The following CADM2 variants were observed in gnomAD, a reference collection of about 807,000 sequenced individuals.
CADM2 encodes immunoglobulin superfamily member 4D.
In CADM2, 12 loss-of-function variants were observed where a neutral mutation model predicts 49.8. The observed-to-expected ratio is 0.24, with a 90% CI of 0.15 to 0.39. CADM2 has a LOEUF of 0.39. Ranked by LOEUF, CADM2 falls within the 10% of genes least tolerant of loss-of-function variation. The probability of loss-of-function intolerance (pLI) is 1.00; values close to 1 mark genes in which losing one functional copy is unlikely to be tolerated. For missense variants in CADM2, 378 were observed against 492.3 expected, an observed-to-expected ratio of 0.77 and a Z score of 2.20; for synonymous variants, 214 against 175.4, an observed-to-expected ratio of 1.22 and a Z score of -1.74.
intron 8 of CADM2, among the ~76,000 whole-genome samples, chr3:86,035,395 C>A (rs1735028029): frequency 6.6e-6 from 1 of 151,956 alleles, no homozygotes; most frequent in Middle Eastern, 3.2e-3. Flanking sequence ...TGCTTCTGTT[C>A]ATCATCTAAT....
chr3:85,781,545 A>T (rs2107994695), intron 2 of CADM2, among the ~76,000 whole-genome samples: 1 of 152,258 alleles, frequency 6.6e-6, no homozygotes, highest in South Asian at 2.1e-4. Context: ...CTTCTAAGAG[A>T]GAATGTAGAA....
chr3:85,033,259 C>A (rs184093440), intron 1 of CADM2, among the ~76,000 whole-genome samples: 1 of 152,158 alleles, frequency 6.6e-6, no homozygotes, highest in South Asian at 2.1e-4. Context: ...TCCCTAACGA[C>A]GCATTACATT....
At chr3:85,018,802 A>C (rs926463472) in intron 1 of CADM2, among the ~76,000 whole-genome samples, 4 of 152,192 alleles carry the variant, frequency 2.6e-5, no homozygotes, top group Admixed American at 1.3e-4. Context: ...TCATTTAATT[A>C]GGATATGCTA....
chr3:85,619,957 C>T (rs2063921801), intron 1 of CADM2, among the ~76,000 whole-genome samples: 1 of 152,156 alleles, frequency 6.6e-6, no homozygotes, highest in African/African-American at 2.4e-5. Flanking sequence ...CGATAAAAAT[C>T]ATTTTACAAT....
intron 1 of CADM2, among the ~76,000 whole-genome samples, chr3:85,100,612 C>T (rs2107543722): frequency 6.6e-6 from 1 of 152,212 alleles, no homozygotes; most frequent in South Asian, 2.1e-4. Flanking sequence ...GCACCAAAAA[C>T]ATGGCAGAGA....
In CADM2 at chr3:85,253,118, C is replaced by T. The variant is rs78703939; in HGVS notation, c.61+293450C>T. On this transcript the variant is annotated intron_variant, in intron 1 of 9. Transcript: ENST00000383699. The stretch of plus-strand genomic sequence containing the variant: ...GTCAGTCTAAATTTAAAATTTTGCA[C>T]GCTAACATTCAAACTTTTTGAGCCT... 5.7e-3 allele frequency among the ~76,000 whole-genome samples: 874 copies of T among 152,096 alleles called. 6 individuals carry two copies. Among genetic ancestry groups the T allele is most frequent in the Admixed American group, 0.011 (165 of 15,228 alleles).
At chr3:85,563,481 C>G (rs1241343983) in intron 1 of CADM2, among the ~76,000 whole-genome samples, 2 of 151,188 alleles carry the variant, frequency 1.3e-5, no homozygotes, top group Non-Finnish European at 2.9e-5. Context: ...ATCCATTATA[C>G]TTGAATAGCA....
chr3:86,013,735 A>G lies in CADM2; in HGVS notation c.971-51870A>G, dbSNP rs1314959214. On this transcript the variant is annotated intron_variant, in intron 8 of 9. Transcript: ENST00000383699. ...GAGGAATTTATAGGTTTTCTGCCTT[A>G]TGAAGCTGATGCAGAAATTTTGGCT... is the stretch of plus-strand genomic sequence containing the variant. 7 of 1,593,356 alleles carry G rather than the reference A, an allele frequency of 4.4e-6. No individual in the cohort carries two copies. The African/African-American group carries it at 8.1e-5, about 18-fold the overall frequency.
chr3:85,041,388 G>A (rs947222189), intron 1 of CADM2, among the ~76,000 whole-genome samples: 3 of 152,268 alleles, frequency 2.0e-5, no homozygotes, highest in Middle Eastern at 3.4e-3. Context: ...GTGTGTTTGC[G>A]TGGAGAGGGG....
intron 1 of CADM2, among the ~76,000 whole-genome samples, chr3:85,138,266 T>C (rs2039477070): frequency 6.6e-6 from 1 of 152,134 alleles, no homozygotes; most frequent in Non-Finnish European, 1.5e-5. Flanking sequence ...GTTTTTCTAG[T>C]GATGGGTTAC....
intron 3 of CADM2, among the ~76,000 whole-genome samples, chr3:85,868,623 T>G (rs1317045590): frequency 6.6e-6 from 1 of 152,202 alleles, no homozygotes; most frequent in African/African-American, 2.4e-5. Flanking sequence ...CTCCTTTGTT[T>G]TTGAGATTTA....
intron 2 of CADM2, among the ~76,000 whole-genome samples, chr3:85,769,297 T>C (rs1328191086): frequency 9.6e-6 from 1 of 104,218 alleles, no homozygotes; most frequent in Non-Finnish European, 1.8e-5. Flanking sequence ...ATAGTATATA[T>C]ACACGTATAT....
At chr3:85,107,276 T>A (rs2038265972) in intron 1 of CADM2, among the ~76,000 whole-genome samples, 3 of 152,158 alleles carry the variant, frequency 2.0e-5, no homozygotes, top group Admixed American at 1.3e-4. Context: ...TATGGATATT[T>A]CATAAGTTTT....
At chr3:85,353,151 A>C (rs2031514674) in intron 1 of CADM2, among the ~76,000 whole-genome samples, 1 of 152,058 alleles carries the variant, frequency 6.6e-6, no homozygotes, top group Non-Finnish European at 1.5e-5. Flanking sequence ...TGCCTTGAAA[A>C]ATTGAAGAGA....
intron 1 of CADM2, among the ~76,000 whole-genome samples, chr3:85,474,638 CATG>C (rs1559858735): frequency 1.3e-5 from 2 of 151,738 alleles, no homozygotes; most frequent in African/African-American, 4.8e-5. Context: ...ATGTTTGAAA[CATG>C]ATTTATATCA....
At chr3:85,194,605 G>T (rs912508679) in intron 1 of CADM2, among the ~76,000 whole-genome samples, 3 of 151,924 alleles carry the variant, frequency 2.0e-5, no homozygotes, top group African/African-American at 4.8e-5. Context: ...TAGAAATAAG[G>T]CTAAAAAATG....
chr3:85,268,217 GA>G (rs1267657378), intron 1 of CADM2, among the ~76,000 whole-genome samples: 4 of 151,130 alleles, frequency 2.6e-5, no homozygotes, highest in Admixed American at 1.3e-4. Flanking sequence ...TCAGCCAGGG[GA>G]AAAAAACACG....
At chr3:85,232,926 T>C (rs1021384776) in intron 1 of CADM2, among the ~76,000 whole-genome samples, 3 of 152,186 alleles carry the variant, frequency 2.0e-5, no homozygotes, top group African/African-American at 7.2e-5. Flanking sequence ...TTTATGTCCA[T>C]ACAAAAACCT....
intron 1 of CADM2, among the ~76,000 whole-genome samples, chr3:85,326,590 A>G (rs972154541): frequency 2.6e-5 from 4 of 152,194 alleles, no homozygotes; most frequent in Admixed American, 2.0e-4. Flanking sequence ...TAAATTTACT[A>G]TAATCAATTT....
Sources: gnomAD v4.1 joint callset for allele counts (sites outside exome capture counted in the v4.1 genomes callset) on GRCh38, gnomAD v4.1.1 for gene constraint, MANE v1.5 for transcripts, NCBI Gene and HGNC (gene_info 2026-07-23, HGNC 2026-07-21) for gene names.